Variants in CTNNA2 observed in about 807,000 individuals in gnomAD.
CTNNA2 encodes the protein catenin alpha-2.
In CTNNA2, 42 loss-of-function variants were observed where a neutral mutation model predicts 101.0. The observed-to-expected ratio is 0.42, with a 90% CI of 0.32 to 0.54. The LOEUF is 0.54. Ranked by LOEUF, CTNNA2 falls within the 20% of genes least tolerant of loss-of-function variation. CTNNA2 has a pLI of 0.14. For missense variants in CTNNA2, 871 were observed against 1,223.1 expected (o/e 0.71, Z 4.29); for synonymous variants, 450 against 456.4 (o/e 0.99, Z 0.18).
chr2:80,456,154 G>A (rs772123305), intron 9 of CTNNA2, among the ~76,000 whole-genome samples: 1 of 152,192 alleles, frequency 6.6e-6, no homozygotes, highest in African/African-American at 2.4e-5. Context: ...TCAGTTACTG[G>A]TCTCTATTAC....
chr2:79,349,575 A>G (rs1677337964), intron 3 of CTNNA2, among the ~76,000 whole-genome samples: 1 of 152,218 alleles, frequency 6.6e-6, no homozygotes, highest in African/African-American at 2.4e-5. Flanking sequence ...AAGATAATTA[A>G]CATTCTATAG....
chr2:79,808,130 T>C lies in CTNNA2; in HGVS notation c.299-49883T>C, dbSNP rs984220890. On this transcript the variant is annotated intron_variant, in intron 3 of 18. Coordinates refer to ENST00000402739, the MANE Select transcript of CTNNA2 (RefSeq NM_001282597.3). ...TAATTTAAAGTATTTCAGAACACTTTCTCTACAGATAATTTGTCTTCAAAT... is the reference window on the plus strand; with the variant it reads ...TAATTTAAAGTATTTCAGAACACTTCCTCTACAGATAATTTGTCTTCAAAT... Among the ~76,000 whole-genome samples the C allele has an allele frequency of 5.3e-5, 8 of 152,314 alleles. No individual in the cohort carries two copies. In the East Asian group the frequency reaches 5.8e-4, roughly 11 times the overall value.
intron 3 of CTNNA2, among the ~76,000 whole-genome samples, chr2:79,347,500 T>C (rs752670657): frequency 3.9e-5 from 6 of 152,210 alleles, no homozygotes; most frequent in Non-Finnish European, 7.3e-5. Context: ...ACAAAATAAA[T>C]GTTGCCTTTC....
intron 3 of CTNNA2, among the ~76,000 whole-genome samples, chr2:79,770,013 A>G (rs1360564463): frequency 6.6e-6 from 1 of 152,152 alleles, no homozygotes; most frequent in Non-Finnish European, 1.5e-5. Context: ...TTGTTACCTT[A>G]CTGGCAGCAT....
intron 13 of CTNNA2, chr2:80,576,493 CAT>C (rs1271019733): frequency 2.0e-5 from 3 of 151,216 alleles, no homozygotes; most frequent in African/African-American, 7.3e-5. Context: ...GGCAGACCAA[CAT>C]ATAGTCATTT....
chr2:79,257,118 C>T (rs1674857061), intron 2 of CTNNA2, among the ~76,000 whole-genome samples: 1 of 152,114 alleles, frequency 6.6e-6, no homozygotes, highest in African/African-American at 2.4e-5. Flanking sequence ...TGGACGTTCA[C>T]TTTACTCTCC....
At chr2:80,630,169 A>G (rs1227674211) in intron 18 of CTNNA2, among the ~76,000 whole-genome samples, 1 of 152,184 alleles carries the variant, frequency 6.6e-6, no homozygotes, top group East Asian at 1.9e-4. Flanking sequence ...TTCTATTCCC[A>G]ACGGTAATTA....
intron 17 of CTNNA2, among the ~76,000 whole-genome samples, chr2:80,615,334 A>C (rs921750719): frequency 6.6e-6 from 1 of 151,588 alleles, no homozygotes; most frequent in Non-Finnish European, 1.5e-5. Flanking sequence ...AAAGAGCTGC[A>C]TTTATTTGTT....
rs917140746 is a variant in CTNNA2, at chr2:80,313,426, T to C, written c.1057-79785T>C. 3 of 1,476,512 alleles carry C rather than the reference T, an allele frequency of 2.0e-6. No homozygotes were observed. In the African/African-American group the frequency reaches 4.2e-5, roughly 21 times the overall value. 91.5% of individuals were successfully genotyped at this position (1,476,512 alleles called of 1,614,324 possible). On this transcript the variant is annotated intron_variant, in intron 7 of 18. Coordinates refer to ENST00000402739, the MANE Select transcript of CTNNA2 (RefSeq NM_001282597.3). The stretch of plus-strand genomic sequence containing the variant: ...TGGTGCCTACCCTGTGTGTTCACAG[T>C]TCTGGAGTGGAGATGATGAGTAACA...
intron 9 of CTNNA2, among the ~76,000 whole-genome samples, chr2:80,474,881 T>C (rs1685600329): frequency 6.6e-6 from 1 of 152,150 alleles, no homozygotes; most frequent in Non-Finnish European, 1.5e-5. Flanking sequence ...TCCCTGGGGA[T>C]GGAGAATTGA....
intron 3 of CTNNA2, among the ~76,000 whole-genome samples, chr2:79,779,399 A>G (rs1175333331): frequency 1.3e-5 from 2 of 152,138 alleles, no homozygotes; most frequent in Non-Finnish European, 2.9e-5. Context: ...TAGGTCAAGC[A>G]TCCAGTGGGA....
Position 80,519,983 on chromosome 2 carries a change from T to G in CTNNA2, c.1291-24999T>G, listed in dbSNP as rs146295671. Reference sequence around the variant, plus strand: ...CCACATGGTGCATTGTCCTTCATCTTTCTAAGATGGGGTCACATCATTGAT... The same window carrying G: ...CCACATGGTGCATTGTCCTTCATCTGTCTAAGATGGGGTCACATCATTGAT... On this transcript the variant is annotated intron_variant, in intron 9 of 18. Coordinates refer to ENST00000402739, the MANE Select transcript of CTNNA2 (RefSeq NM_001282597.3). Among the ~76,000 whole-genome samples the G allele has an allele frequency of 2.0e-4, 30 of 152,262 alleles. 1 individual carries two copies. The East Asian group carries it at 3.9e-3, about 20-fold the overall frequency.
intron 2 of CTNNA2, among the ~76,000 whole-genome samples, chr2:79,260,226 A>G (rs764553499): frequency 1.3e-5 from 2 of 152,124 alleles, no homozygotes; most frequent in Non-Finnish European, 2.9e-5. Context: ...CCTCATTACT[A>G]TCAGCTCAAG....
intron 7 of CTNNA2, among the ~76,000 whole-genome samples, chr2:80,350,110 G>A (rs1345223185): frequency 6.6e-6 from 1 of 152,172 alleles, no homozygotes; most frequent in Non-Finnish European, 1.5e-5. Flanking sequence ...CAGAGCAAGA[G>A]AAGGTATTCT....
intron 2 of CTNNA2, among the ~76,000 whole-genome samples, chr2:79,242,121 T>C (rs1349444125): frequency 6.6e-6 from 1 of 152,066 alleles, no homozygotes. Flanking sequence ...TTAGCCAGGA[T>C]GGTCTCGATC....
intron 7 of CTNNA2, among the ~76,000 whole-genome samples, chr2:80,336,400 C>A (rs569010392): frequency 1.3e-5 from 2 of 152,192 alleles, no homozygotes. Context: ...TTATAGCAAC[C>A]CGCCCCCTCA....
At chr2:80,055,098 T>C (rs1697133062) in intron 7 of CTNNA2, among the ~76,000 whole-genome samples, 1 of 152,080 alleles carries the variant, frequency 6.6e-6, no homozygotes, top group African/African-American at 2.4e-5. Context: ...GGGATCCTAG[T>C]TCGAACTGCA....
chr2:80,351,292 T>G (rs1345716403), intron 7 of CTNNA2, among the ~76,000 whole-genome samples: 1 of 152,064 alleles, frequency 6.6e-6, no homozygotes, highest in East Asian at 1.9e-4. Flanking sequence ...AAGCATTTTG[T>G]TGTCTGGTCA....
At chr2:79,792,717 G>A (rs1349231207) in intron 3 of CTNNA2, among the ~76,000 whole-genome samples, 2 of 152,082 alleles carry the variant, frequency 1.3e-5, no homozygotes, top group African/African-American at 4.8e-5. Context: ...TGTGATATTA[G>A]AAAAATCACT....
Sources: allele counts gnomAD v4.1 joint callset (sites outside exome capture counted in the v4.1 genomes callset), GRCh38; gene constraint gnomAD v4.1.1; transcripts MANE v1.5; gene names NCBI Gene and HGNC (gene_info 2026-07-23, HGNC 2026-07-21).